The following CHD6 variants were observed in gnomAD, a reference collection of about 807,000 sequenced individuals.
The protein encoded by CHD6 is chromodomain helicase DNA binding protein 6, also known as ATP-dependent chromatin remodeler CHD6.
A neutral mutation model predicts 276.9 loss-of-function variants in CHD6; 50 were observed. The observed-to-expected ratio is 0.18, with a 90% CI of 0.14 to 0.23. The LOEUF (loss-of-function observed/expected upper bound fraction) is 0.23. Ranked by LOEUF, CHD6 falls within the 10% of genes least tolerant of loss-of-function variation. The pLI, the probability that CHD6 is intolerant of heterozygous loss-of-function variation, is 1.00. For synonymous variants in CHD6, 1,173 were observed against 1,229.3 expected, an observed-to-expected ratio of 0.95 and a Z score of 0.96; for missense variants, 2,564 against 3,365.8, an observed-to-expected ratio of 0.76 and a Z score of 5.89.
intron 31 of CHD6, among the ~76,000 whole-genome samples, chr20:41,420,168 T>G (rs1055142873): frequency 1.3e-5 from 2 of 152,252 alleles, no homozygotes; most frequent in Non-Finnish European, 2.9e-5. Context: ...GCTGTTCTAC[T>G]TTAGCCAGTT....
At position 41,493,957 on chromosome 20, in the gene CHD6, G is replaced by C; in HGVS notation, c.1093-13C>G. 6.2e-7 allele frequency: 1 copy of C among 1,605,910 alleles called. No individual in the cohort carries two copies. Among genetic ancestry groups the C allele is most frequent in the East Asian group, 2.2e-5 (1 of 44,750 alleles). ...AGTCTTCATCAGGCTAACACAAACA[G>C]AGGAGAACAGTTAGGAAGTATGTCC... On this transcript the variant is annotated splice_polypyrimidine_tract_variant and intron_variant, in intron 8 of 36. Coordinates refer to ENST00000373233, the MANE Select transcript of CHD6 (RefSeq NM_032221.5).
chr20:41,489,070 G>T (rs1366630485), intron 12 of CHD6, among the ~76,000 whole-genome samples: 3 of 152,014 alleles, frequency 2.0e-5, no homozygotes, highest in African/African-American at 4.8e-5. Flanking sequence ...TAAGACAAGC[G>T]CTACTAGGCA....
intron 36 of CHD6, among the ~76,000 whole-genome samples, chr20:41,411,293 C>A (rs1569042978): frequency 6.6e-6 from 1 of 151,808 alleles, no homozygotes; most frequent in Non-Finnish European, 1.5e-5. Context: ...GGTGGGCGGT[C>A]TTTTGGAGCT....
chr20:41,526,724 T>C (rs1245970065), intron 3 of CHD6, among the ~76,000 whole-genome samples: 1 of 151,940 alleles, frequency 6.6e-6, no homozygotes, highest in African/African-American at 2.4e-5. Flanking sequence ...ACCACTTCTT[T>C]TCCTCTTTTT....
intron 1 of CHD6, among the ~76,000 whole-genome samples, chr20:41,611,841 C>T (rs886625502): frequency 9.9e-5 from 15 of 152,084 alleles, no homozygotes; most frequent in African/African-American, 3.4e-4. Flanking sequence ...TTTCACAATG[C>T]TGGCCAAGCT....
chr20:41,551,829 G>A (rs990546300), intron 1 of CHD6, among the ~76,000 whole-genome samples: 6 of 152,164 alleles, frequency 3.9e-5, no homozygotes, highest in Non-Finnish European at 1.5e-5. Flanking sequence ...TCTAAGGAGT[G>A]AGACAGGATT....
intron 17 of CHD6, among the ~76,000 whole-genome samples, chr20:41,463,306 G>C (rs2042845004): frequency 6.6e-6 from 1 of 152,194 alleles, no homozygotes; most frequent in Admixed American, 6.5e-5. Context: ...TCATAGTGAT[G>C]ACTGATTCAG....
chr20:41,533,361 C>A lies in CHD6; in HGVS notation c.243G>T (p.Gly81=). Residue 81 remains glycine (G), a synonymous_variant, in exon 3 of 37, where the codon GGG becomes GGT. Transcript: ENST00000373233. The part of the protein sequence containing the change: ...LFPRKMTSHN[G]MEDSGGGGTG... Reference sequence around the variant, plus strand: ...TACCTCCTCCTCCACTGTCCTCCATCCCATTATGGGATGTCATTTTCCTAG... The same window carrying A: ...TACCTCCTCCTCCACTGTCCTCCATACCATTATGGGATGTCATTTTCCTAG... The A allele has an allele frequency of 6.2e-7, 1 of 1,614,118 alleles. No homozygotes were observed. Among genetic ancestry groups the A allele is most frequent in the Admixed American group, 1.7e-5 (1 of 60,012 alleles).
intron 7 of CHD6, chr20:41,497,939 T>G (rs868459675): frequency 4.8e-5 from 24 of 505,202 alleles, no homozygotes; most frequent in African/African-American, 4.5e-4. Context: ...TCTGAGCCAA[T>G]GGTCTTGGGT....
At chr20:41,454,357 G>C (rs2048325249) in intron 20 of CHD6, among the ~76,000 whole-genome samples, 2 of 152,334 alleles carry the variant, frequency 1.3e-5, no homozygotes, top group South Asian at 4.1e-4. Context: ...TTGAGGCAGA[G>C]GCCTGAACTT....
chr20:41,454,395 T>C (rs187603959), intron 20 of CHD6, among the ~76,000 whole-genome samples: 85 of 152,368 alleles, frequency 5.6e-4, no homozygotes, highest in Non-Finnish European at 1.0e-3. Context: ...CCAGTTCTAA[T>C]TGCCTTCATC....
intron 4 of CHD6, 59 bp from the exon 5 acceptor site, chr20:41,513,054 A>T: frequency 6.3e-7 from 1 of 1,576,572 alleles, no homozygotes; most frequent in East Asian, 2.2e-5. Context: ...CAGCCTACAC[A>T]AGAATACCCT....
At chr20:41,556,079 G>A (rs1328071029) in intron 1 of CHD6, among the ~76,000 whole-genome samples, 1 of 152,108 alleles carries the variant, frequency 6.6e-6, no homozygotes, top group East Asian at 1.9e-4. Context: ...GCGAAACCCC[G>A]TCTCCACCAA....
chr20:41,593,934 G>A (rs187236756), intron 1 of CHD6, among the ~76,000 whole-genome samples: 1 of 151,638 alleles, frequency 6.6e-6, no homozygotes, highest in East Asian at 1.9e-4. Flanking sequence ...AAGCTATCCA[G>A]TCCGTAGTAT....
intron 1 of CHD6, among the ~76,000 whole-genome samples, chr20:41,578,520 G>A (rs754157490): frequency 6.6e-6 from 1 of 151,960 alleles, no homozygotes; most frequent in Non-Finnish European, 1.5e-5. Flanking sequence ...GGAATGTTAA[G>A]TTCAAACCAA....
intron 16 of CHD6, among the ~76,000 whole-genome samples, chr20:41,478,763 C>T (rs978910674): frequency 4.6e-5 from 7 of 152,166 alleles, no homozygotes; most frequent in Admixed American, 3.3e-4. Flanking sequence ...TAGTTAACTG[C>T]TTCCAAATAA....
In CHD6 at chr20:41,493,955, C is replaced by A. The variant is rs763540994; in HGVS notation, c.1093-11G>T. The A allele has an allele frequency of 4.4e-6, 7 of 1,605,910 alleles. No individual in the cohort carries two copies. Among genetic ancestry groups the A allele is most frequent in the Middle Eastern group, 1.7e-4 (1 of 6,000 alleles). On this transcript the variant is annotated splice_polypyrimidine_tract_variant and intron_variant, in intron 8 of 36. Transcript: ENST00000373233. ...CAAGTCTTCATCAGGCTAACACAAACAGAGGAGAACAGTTAGGAAGTATGT... is the reference window on the plus strand; with the variant it reads ...CAAGTCTTCATCAGGCTAACACAAAAAGAGGAGAACAGTTAGGAAGTATGT...
intron 17 of CHD6, among the ~76,000 whole-genome samples, chr20:41,464,080 T>A (rs2042863372): frequency 6.6e-6 from 1 of 152,110 alleles, no homozygotes. Context: ...TAAACACAGC[T>A]GGTGAATCTG....
rs531710322 is a variant in CHD6 at position 41,427,577 on chromosome 20, T to G, written c.4069-1424A>C. Among the ~76,000 whole-genome samples, 40 of 152,296 alleles carry G rather than the reference T, an allele frequency of 2.6e-4. 1 individual carries two copies. The highest frequency in any genetic ancestry group is 3.4e-3 in the Middle Eastern group (1 of 294). ...GGTAATCTGATTTGAGAGCCAACAC[T>G]TTCAACTAACAAGCTGTCTAAAAAA... On this transcript the variant is annotated intron_variant, in intron 27 of 36. Coordinates refer to ENST00000373233, the MANE Select transcript of CHD6 (RefSeq NM_032221.5).
Sources: gnomAD v4.1 joint callset for allele counts (sites outside exome capture counted in the v4.1 genomes callset) on GRCh38, gnomAD v4.1.1 for gene constraint, MANE v1.5 for transcripts, NCBI Gene and HGNC (gene_info 2026-07-23, HGNC 2026-07-21) for gene names.